TRDN: variants seen among roughly 807,000 people sequenced by gnomAD.
TRDN encodes the protein triadin.
In TRDN, 161 loss-of-function variants were observed where a neutral mutation model predicts 149.7. That is an observed-to-expected ratio of 1.08 (90% CI 0.95 to 1.23). The LOEUF is 1.23. Ranked by LOEUF, TRDN falls within the 50% of genes most tolerant of loss-of-function variation. The pLI is 0.00. For missense variants in TRDN, 896 were observed against 823.5 expected (o/e 1.09, Z -1.08); for synonymous variants, 294 against 250.5 (o/e 1.17, Z -1.64).
intron 7 of TRDN, among the ~76,000 whole-genome samples, chr6:123,506,981 A>G (rs1778956155): frequency 6.6e-6 from 1 of 152,174 alleles, no homozygotes. Flanking sequence ...GTATCACCAT[A>G]GTGTCTAGCA....
intron 21 of TRDN, among the ~76,000 whole-genome samples, chr6:123,339,332 T>C (rs1779986202): frequency 6.6e-6 from 1 of 152,118 alleles, no homozygotes; most frequent in Admixed American, 6.6e-5. Context: ...GTTTTTGTTT[T>C]TGTTTTTTAA....
intron 24 of TRDN, among the ~76,000 whole-genome samples, chr6:123,298,606 A>C (rs1041354792): frequency 6.6e-6 from 1 of 152,100 alleles, no homozygotes; most frequent in Non-Finnish European, 1.5e-5. Flanking sequence ...TATTCTTAGC[A>C]CTTGTGCATT....
At chr6:123,358,641 A>ATTGTTCTGTT (rs1554227902) in intron 20 of TRDN, among the ~76,000 whole-genome samples, 4 of 151,168 alleles carry the variant, frequency 2.6e-5, no homozygotes, top group African/African-American at 9.7e-5. Context: ...ATTTTTTTGT[A>ATTGTTCTGTT]TTGTTTTGTT....
chr6:123,498,497 A>G (rs573221569), intron 8 of TRDN: 13 of 470,072 alleles, frequency 2.8e-5, no homozygotes, highest in African/African-American at 2.6e-4. Flanking sequence ...ATTTAGATGT[A>G]TTTTAGTTGT....
chr6:123,271,126 A>G lies in TRDN; in HGVS notation c.1720+13T>C, dbSNP rs749993952. ...AATGAGACATAGAAAAAAATATAAA[A>G]TACCTTATTTACCTGTTTTTTCTAT... On this transcript the variant is annotated intron_variant, in intron 30 of 40. Coordinates refer to ENST00000334268, the MANE Select transcript of TRDN (RefSeq NM_006073.4). 2.0e-6 allele frequency: 3 copies of G among 1,504,162 alleles called. No homozygotes were observed. Among genetic ancestry groups the G allele is most frequent in the Non-Finnish European group, 2.7e-6 (3 of 1,119,438 alleles). 93.2% of individuals were successfully genotyped at this position (1,504,162 alleles called of 1,614,324 possible).
At chr6:123,388,081 C>G in intron 14 of TRDN, among the ~76,000 whole-genome samples, 1 of 143,674 alleles carries the variant, frequency 7.0e-6, no homozygotes, top group Non-Finnish European at 1.5e-5. Flanking sequence ...AAAAATAGAA[C>G]AAAAAAATCC....
At chr6:123,259,596 T>C (rs1328568901) in intron 35 of TRDN, 28 bp downstream of exon 35, 3 of 1,410,974 alleles carry the variant, frequency 2.1e-6, no homozygotes, top group Non-Finnish European at 2.9e-6. Context: ...GCTAATTTGA[T>C]GTATATGTCT....
rs1777687526 is a variant in TRDN at position 123,480,257 on chromosome 6, A to T, written c.854-15274T>A. On this transcript the variant is annotated intron_variant, in intron 9 of 40. Coordinates refer to ENST00000334268, the MANE Select transcript of TRDN (RefSeq NM_006073.4). ...GAGTGACACTCCGTTTCCAAAAAAA[A>T]AAAAAAAAGAATGACTTTCAAGAAA... Among the ~76,000 whole-genome samples, 6 of 151,770 alleles carry T rather than the reference A, an allele frequency of 4.0e-5. No individual in the cohort carries two copies. In the South Asian group the frequency reaches 1.2e-3, roughly 32 times the overall value.
chr6:123,550,079 A>C (rs1781309393), intron 2 of TRDN, among the ~76,000 whole-genome samples: 1 of 152,082 alleles, frequency 6.6e-6, no homozygotes, highest in Non-Finnish European at 1.5e-5. Flanking sequence ...TGTGTAATGC[A>C]ACATGATTTA....
chr6:123,558,205 G>A (rs1366733143), intron 2 of TRDN, among the ~76,000 whole-genome samples: 1 of 151,860 alleles, frequency 6.6e-6, no homozygotes, highest in African/African-American at 2.4e-5. Context: ...TGTCCCCTCA[G>A]TCCCAACCCC....
chr6:123,452,709 AC>A (rs1775856490), intron 10 of TRDN, among the ~76,000 whole-genome samples: 1 of 152,050 alleles, frequency 6.6e-6, no homozygotes, highest in Admixed American at 6.6e-5. Flanking sequence ...GCAATCCCCA[AC>A]AAAATACCAC....
intron 1 of TRDN, among the ~76,000 whole-genome samples, chr6:123,574,795 T>C (rs1313350652): frequency 6.7e-6 from 1 of 148,154 alleles, no homozygotes; most frequent in Non-Finnish European, 1.5e-5. Context: ...TATGAATGAG[T>C]TGAATCCTGG....
intron 12 of TRDN, among the ~76,000 whole-genome samples, chr6:123,428,562 T>C (rs1317861139): frequency 6.6e-6 from 1 of 152,216 alleles, no homozygotes; most frequent in Non-Finnish European, 1.5e-5. Context: ...AAATTCCTTC[T>C]TTGAGATCAT....
intron 40 of TRDN, among the ~76,000 whole-genome samples, chr6:123,221,229 G>A (rs1775136317): frequency 6.6e-6 from 1 of 151,774 alleles, no homozygotes; most frequent in Non-Finnish European, 1.5e-5. Flanking sequence ...CTAAGGATCA[G>A]AAATATGTAG....
chr6:123,433,143 A>AATAT (rs540516694), intron 12 of TRDN, among the ~76,000 whole-genome samples: 4,499 of 96,262 alleles, frequency 0.047, 124 homozygotes, highest in Middle Eastern at 0.096. Context: ...ACACATCATA[A>AATAT]ATATATATAT....
At chr6:123,514,655 C>CACAT (rs1562358162) in intron 6 of TRDN, among the ~76,000 whole-genome samples, 1 of 151,880 alleles carries the variant, frequency 6.6e-6, no homozygotes, top group Admixed American at 6.6e-5. Context: ...CACACACACA[C>CACAT]ACACACACAT....
chr6:123,279,141 A>G, intron 24 of TRDN, 59 bp from the exon 25 acceptor site: 1 of 1,287,478 alleles, frequency 7.8e-7, no homozygotes, highest in Non-Finnish European at 1.1e-6. Context: ...TTAAATTAAC[A>G]TTATTGAATA....
At chr6:123,607,883 C>A (rs1485144588) in intron 1 of TRDN, among the ~76,000 whole-genome samples, 42 of 148,096 alleles carry the variant, frequency 2.8e-4, no homozygotes, top group African/African-American at 9.2e-4. Flanking sequence ...AGAGATGGGG[C>A]CTTTTATGTT....
chr6:123,528,756 C>T lies in TRDN; in HGVS notation c.484+1750G>A, dbSNP rs138515208. On this transcript the variant is annotated intron_variant, in intron 5 of 40. Transcript: ENST00000334268. ...GGCATTAGTCTACCCCATTTACAGA[C>T]GGGAAACTAAGCAATAAAGTGAAAT... 8.3e-4 allele frequency: 823 copies of T among 989,934 alleles called. 25 individuals carry two copies. In the Admixed American group the frequency reaches 0.039, roughly 47 times the overall value. The allele number at this position is 989,934 out of a possible 1,614,324, so 61.3% of individuals were successfully genotyped here. A position where few individuals can be genotyped will look rare whatever the true frequency, so the allele number is the denominator to read the frequency against.
Sources: allele counts gnomAD v4.1 joint callset (sites outside exome capture counted in the v4.1 genomes callset), GRCh38; gene constraint gnomAD v4.1.1; transcripts MANE v1.5; gene names NCBI Gene and HGNC (gene_info 2026-07-23, HGNC 2026-07-21).